Variants in ROR2 observed in about 807,000 individuals in gnomAD.
ROR2 encodes the protein ROR family WNT receptor 2, also known as tyrosine-protein kinase transmembrane receptor ROR2.
A neutral mutation model predicts 74.9 loss-of-function variants in ROR2; 33 were observed. The ratio of observed to expected loss-of-function variants is 0.44; its 90% CI spans 0.33 to 0.59. The LOEUF (loss-of-function observed/expected upper bound fraction) is 0.59. Among genes scored for constraint, ROR2 ranks in the 20% least tolerant of loss-of-function variants. ROR2 has a pLI of 0.02. For synonymous variants in ROR2, 586 were observed against 558.7 expected (o/e 1.05, Z -0.69); for missense variants, 1,216 against 1,313.8 (o/e 0.93, Z 1.15).
At position 91,723,977 on chromosome 9, in the gene ROR2, C is replaced by T. The variant is rs373575567; in HGVS notation, c.2517G>A (p.Pro839=). The change falls in exon 9 of 9, where the codon CCG becomes CCA. Residue 839 remains proline, a synonymous_variant. Coordinates refer to ENST00000375708, the MANE Select transcript of ROR2 (RefSeq NM_004560.4). The part of the protein sequence containing the change: ...AYGAYLPNFY[P]VQIPMQMAPQ... Reference sequence around the variant, plus strand: ...GGGCCATCTGCATTGGGATCTGCACCGGGTAGAAGTTGGGCAGGTAGGCCC... The same window carrying T: ...GGGCCATCTGCATTGGGATCTGCACTGGGTAGAAGTTGGGCAGGTAGGCCC... 38 of 1,612,910 alleles carry T rather than the reference C, an allele frequency of 2.4e-5. No homozygotes were observed. In the African/African-American group the frequency reaches 2.9e-4, roughly 12 times the overall value.
intron 1 of ROR2, among the ~76,000 whole-genome samples, chr9:91,872,661 AAC>A (rs1472397903): frequency 1.3e-5 from 2 of 152,206 alleles, no homozygotes; most frequent in Non-Finnish European, 2.9e-5. Flanking sequence ...CGACTGCTGA[AAC>A]ACAGGGCGTG....
intron 1 of ROR2, among the ~76,000 whole-genome samples, chr9:91,830,164 T>A (rs1255237720): frequency 6.6e-6 from 1 of 152,254 alleles, no homozygotes; most frequent in Non-Finnish European, 1.5e-5. Flanking sequence ...TTATAGATTA[T>A]GTCATTTATA....
intron 1 of ROR2, among the ~76,000 whole-genome samples, chr9:91,897,775 AT>A (rs1243180193): frequency 3.3e-5 from 5 of 152,182 alleles, no homozygotes; most frequent in African/African-American, 1.2e-4. Flanking sequence ...AATAAGTGGG[AT>A]GTCCACACCA....
At chr9:91,810,451 C>T (rs1563975425) in intron 1 of ROR2, among the ~76,000 whole-genome samples, 1 of 152,116 alleles carries the variant, frequency 6.6e-6, no homozygotes. Context: ...TTCTCCCGGG[C>T]TTTACCTCCT....
At chr9:91,879,441 G>T (rs10820909) in intron 1 of ROR2, among the ~76,000 whole-genome samples, 40,106 of 151,158 alleles carry the variant, frequency 0.27, 5,642 homozygotes, top group Admixed American at 0.42. Context: ...GGTGTGGGGG[G>T]GTGTGTGTGT....
intron 1 of ROR2, among the ~76,000 whole-genome samples, chr9:91,879,211 C>T (rs1372971283): frequency 6.6e-6 from 1 of 152,014 alleles, no homozygotes; most frequent in Non-Finnish European, 1.5e-5. Flanking sequence ...GATGAGTAAT[C>T]GGAACAGACT....
At chr9:91,848,257 A>G (rs1363997305) in intron 1 of ROR2, among the ~76,000 whole-genome samples, 1 of 152,240 alleles carries the variant, frequency 6.6e-6, no homozygotes, top group Non-Finnish European at 1.5e-5. Context: ...CTTGAAGGTC[A>G]GTATTAACAG....
At chr9:91,787,470 A>C in intron 1 of ROR2, among the ~76,000 whole-genome samples, 1 of 152,204 alleles carries the variant, frequency 6.6e-6, no homozygotes. Context: ...AGGCCACTGC[A>C]CTTCAGCCTG....
At chr9:91,747,208 C>T (rs908351133) in intron 4 of ROR2, among the ~76,000 whole-genome samples, 2 of 152,242 alleles carry the variant, frequency 1.3e-5, no homozygotes, top group African/African-American at 2.4e-5. Flanking sequence ...GAGGCACCGC[C>T]TTTTCTTCAA....
intron 1 of ROR2, among the ~76,000 whole-genome samples, chr9:91,834,911 C>A (rs978301769): frequency 2.0e-5 from 3 of 152,040 alleles, no homozygotes; most frequent in African/African-American, 7.2e-5. Flanking sequence ...GACCACTTTA[C>A]AACTTGACCA....
At chr9:91,854,927 T>C (rs1326547320) in intron 1 of ROR2, among the ~76,000 whole-genome samples, 1 of 152,138 alleles carries the variant, frequency 6.6e-6, no homozygotes, top group Non-Finnish European at 1.5e-5. Context: ...ATCCATCAAT[T>C]AGAATAATTA....
At chr9:91,808,883 G>A (rs1827656269) in intron 1 of ROR2, among the ~76,000 whole-genome samples, 1 of 150,450 alleles carries the variant, frequency 6.6e-6, no homozygotes, top group African/African-American at 2.4e-5. Flanking sequence ...CGTGCCTGTA[G>A]TCCCAGCTAC....
chr9:91,767,938 A>G (rs1204135989), intron 2 of ROR2, among the ~76,000 whole-genome samples: 2 of 152,206 alleles, frequency 1.3e-5, no homozygotes, highest in African/African-American at 4.8e-5. Context: ...AAACAGGGTC[A>G]CTGCAGATGT....
chr9:91,776,601 G>T (rs972144771), intron 1 of ROR2, among the ~76,000 whole-genome samples: 1 of 152,206 alleles, frequency 6.6e-6, no homozygotes, highest in Non-Finnish European at 1.5e-5. Flanking sequence ...CCCTGGGGGA[G>T]GACGAGTGGT....
At chr9:91,772,656 C>A (rs574257828) in intron 2 of ROR2, among the ~76,000 whole-genome samples, 2 of 152,334 alleles carry the variant, frequency 1.3e-5, no homozygotes, top group South Asian at 4.1e-4. Context: ...CCTTTAGCGT[C>A]CGTGTTTCTG....
chr9:91,761,483 T>C (rs1825914010), intron 2 of ROR2, among the ~76,000 whole-genome samples: 1 of 152,180 alleles, frequency 6.6e-6, no homozygotes, highest in African/African-American at 2.4e-5. Flanking sequence ...GCGCACACCC[T>C]AGATCCCTCA....
rs146368518 is a variant in ROR2 at position 91,724,775 on chromosome 9, G to A, written c.1719C>T (p.Asp573=). The A allele has an allele frequency of 8.1e-6, 13 of 1,612,508 alleles. No individual in the cohort carries two copies. The highest frequency in any genetic ancestry group is 4.0e-5 in the African/African-American group (3 of 74,908). The change falls in exon 9 of 9, where the codon GAC becomes GAT. Residue 573 remains aspartate (D), a synonymous_variant. Coordinates refer to ENST00000375708, the MANE Select transcript of ROR2 (RefSeq NM_004560.4). The part of the protein sequence containing the change: ...EFLVMRSPHS[D]VGSTDDDRTV... ...TGCGGTCATCATCGGTGCTGCCCAC[G>A]TCCGAGTGCGGCGAGCGCATGACCA... is the stretch of plus-strand genomic sequence containing the variant.
At chr9:91,732,135 C>T (rs1351283099) in intron 6 of ROR2, among the ~76,000 whole-genome samples, 2 of 152,116 alleles carry the variant, frequency 1.3e-5, no homozygotes, top group Non-Finnish European at 2.9e-5. Flanking sequence ...TTCCTGGACC[C>T]CCAGATTAGC....
intron 1 of ROR2, among the ~76,000 whole-genome samples, chr9:91,889,613 T>C (rs1167247602): frequency 6.6e-6 from 1 of 152,092 alleles, no homozygotes; most frequent in Admixed American, 6.5e-5. Context: ...GTCCCTTCCA[T>C]CTGAAGCAGT....
Sources: allele counts gnomAD v4.1 joint callset (sites outside exome capture counted in the v4.1 genomes callset), GRCh38; gene constraint gnomAD v4.1.1; transcripts MANE v1.5; gene names NCBI Gene and HGNC (gene_info 2026-07-23, HGNC 2026-07-21).